Variants in FBN2 observed in about 807,000 individuals in gnomAD.
The protein encoded by FBN2 is fibrillin-2.
FBN2 carries 105 observed loss-of-function variants against 355.6 expected under a neutral mutation model. That is an observed-to-expected ratio of 0.30 (90% CI 0.25 to 0.35). The LOEUF (loss-of-function observed/expected upper bound fraction) is 0.35, where lower values mean the gene tolerates loss of function less well. Ranked by LOEUF, FBN2 falls within the 10% of genes least tolerant of loss-of-function variation. The probability of loss-of-function intolerance (pLI) is 1.00; values close to 1 mark genes in which losing one functional copy is unlikely to be tolerated. For missense variants in FBN2, 3,280 were observed against 3,758.7 expected (o/e 0.87, Z 3.33); for synonymous variants, 1,350 against 1,301.2 (o/e 1.04, Z -0.81).
chr5:128,499,981 C>T (rs1386973465), intron 5 of FBN2, among the ~76,000 whole-genome samples: 6 of 152,092 alleles, frequency 3.9e-5, no homozygotes, highest in South Asian at 2.1e-4. Flanking sequence ...GAAGATGAGG[C>T]ACCCACAGAA....
chr5:128,366,519 GGAA>G, intron 16 of FBN2, 89 bp from the exon 17 acceptor site: 4 of 718,324 alleles, frequency 5.6e-6, no homozygotes, highest in Non-Finnish European at 7.1e-6. Context: ...ACTACCATTA[GGAA>G]GAATTATTTG....
At chr5:128,395,384 C>G in intron 8 of FBN2, 110 bp from the exon 9 acceptor site, 1 of 1,129,142 alleles carries the variant, frequency 8.9e-7, no homozygotes, top group Non-Finnish European at 1.3e-6. Context: ...CACTTAATCT[C>G]TGTTATCTAT....
At chr5:128,310,400 ATATTT>A (rs1342223348) in intron 39 of FBN2, among the ~76,000 whole-genome samples, 79 of 13,232 alleles carry the variant, frequency 6.0e-3, no homozygotes, top group African/African-American at 0.012. Context: ...ATATATATAT[ATATTT>A]TTTTTTTTTT....
At chr5:128,469,024 T>C (rs1754785975) in intron 5 of FBN2, among the ~76,000 whole-genome samples, 1 of 152,140 alleles carries the variant, frequency 6.6e-6, no homozygotes, top group Non-Finnish European at 1.5e-5. Flanking sequence ...AGTCTACAAC[T>C]GAGTTTACTG....
chr5:128,312,012 G>A, intron 37 of FBN2, 59 bp from the exon 38 acceptor site: 3 of 1,201,144 alleles, frequency 2.5e-6, no homozygotes, highest in Non-Finnish European at 3.7e-6. Flanking sequence ...CTGAGACAAT[G>A]AGCAAGCATT....
At chr5:128,346,564 G>T (rs1465101114) in intron 23 of FBN2, among the ~76,000 whole-genome samples, 7 of 152,162 alleles carry the variant, frequency 4.6e-5, no homozygotes, top group Admixed American at 4.6e-4. Context: ...AAAAGGTAAT[G>T]AGTTACATTT....
chr5:128,378,072 T>C (rs1278405713), intron 12 of FBN2, among the ~76,000 whole-genome samples, 195 bp from the exon 13 acceptor site: 2 of 125,830 alleles, frequency 1.6e-5, no homozygotes, highest in Non-Finnish European at 3.3e-5. Context: ...GTAGCTGAAG[T>C]GGGAAAGGAA....
At position 128,378,756 on chromosome 5, in the gene FBN2, A is replaced by G. The variant is rs554849536; in HGVS notation, c.1723+15T>C. On this transcript the variant is annotated intron_variant, in intron 12 of 64. Transcript: ENST00000262464. ...TTCATGGAACATTTTCATATGTGAAAGCAAACTGCCTTACCAATGCATGCT... is the reference window on the plus strand; with the variant it reads ...TTCATGGAACATTTTCATATGTGAAGGCAAACTGCCTTACCAATGCATGCT... 1 of 1,612,714 alleles carries G rather than the reference A, an allele frequency of 6.2e-7. No individual in the cohort carries two copies. Among genetic ancestry groups the G allele is most frequent in the East Asian group, 2.2e-5 (1 of 44,824 alleles).
chr5:128,447,453 CT>C (rs1309978747), intron 6 of FBN2, among the ~76,000 whole-genome samples: 1 of 152,148 alleles, frequency 6.6e-6, no homozygotes, highest in Admixed American at 6.5e-5. Flanking sequence ...CCCGGTCTCC[CT>C]TAGTGCTCCC....
At chr5:128,366,585 A>G (rs1751773400) in intron 16 of FBN2, among the ~76,000 whole-genome samples, 155 bp from the exon 17 acceptor site, 1 of 152,144 alleles carries the variant, frequency 6.6e-6, no homozygotes, top group South Asian at 2.1e-4. Flanking sequence ...AACAATTATT[A>G]TAAAATTCTG....
intron 15 of FBN2, among the ~76,000 whole-genome samples, chr5:128,370,800 A>G (rs1751913824): frequency 6.6e-6 from 1 of 152,112 alleles, no homozygotes; most frequent in African/African-American, 2.4e-5. Flanking sequence ...GACATGTTAT[A>G]TGGTAGTTTG....
intron 9 of FBN2, among the ~76,000 whole-genome samples, chr5:128,393,587 C>G (rs1344819247): frequency 2.0e-5 from 3 of 152,208 alleles, no homozygotes; most frequent in Non-Finnish European, 4.4e-5. Context: ...ATTATTTTAA[C>G]TGAGTTGCAT....
At chr5:128,387,266 GGT>G (rs748279460) in intron 11 of FBN2, among the ~76,000 whole-genome samples, 2 of 151,874 alleles carry the variant, frequency 1.3e-5, no homozygotes, top group African/African-American at 2.4e-5. Context: ...TGTGCATAGA[GGT>G]GTCTCAGGAT....
intron 62 of FBN2, among the ~76,000 whole-genome samples, chr5:128,271,653 C>T (rs1765269993): frequency 1.3e-5 from 2 of 152,098 alleles, no homozygotes; most frequent in South Asian, 4.1e-4. Flanking sequence ...GATGGGAAAT[C>T]TAAATATATT....
Position 128,514,821 on chromosome 5 carries a change from T to A in FBN2, c.628+4452A>T, listed in dbSNP as rs141900564. The stretch of plus-strand genomic sequence containing the variant: ...TCATCTTGTTTTATTTCTAAATTAC[T>A]TTATAATAAACATGCATGACATTTT... On this transcript the variant is annotated intron_variant, in intron 5 of 64. Transcript: ENST00000262464. Among the ~76,000 whole-genome samples, 997 of 152,330 alleles carry A rather than the reference T, an allele frequency of 6.5e-3. 6 individuals are homozygous for A. The highest frequency in any genetic ancestry group is 0.024 in the Middle Eastern group (7 of 294).
Position 128,530,337 on chromosome 5 carries a change from GTC to G in FBN2, c.436+256_436+257del, listed in dbSNP as rs1756669435. ...ATGTTAAGCAAAGGCAACAAATACA[GTC>G]TAGTGTTTGAGACTATACACTTAGG... is the stretch of plus-strand genomic sequence containing the variant. On this transcript the variant is annotated intron_variant, in intron 3 of 64. Transcript: ENST00000262464. 2.6e-5 allele frequency among the ~76,000 whole-genome samples: 4 copies of G among 152,190 alleles called. No homozygotes were observed. The South Asian group carries it at 8.3e-4, about 31-fold the overall frequency.
chr5:128,351,135 C>T, intron 20 of FBN2, 130 bp from the exon 21 acceptor site: 1 of 1,113,632 alleles, frequency 9.0e-7, no homozygotes, highest in Non-Finnish European at 1.3e-6. Flanking sequence ...GTAATCCCAG[C>T]ACTTTGGGAG....
chr5:128,307,398 T>C (rs1164771226), intron 41 of FBN2, among the ~76,000 whole-genome samples, 195 bp from the exon 42 acceptor site: 4 of 152,154 alleles, frequency 2.6e-5, no homozygotes, highest in African/African-American at 7.2e-5. Flanking sequence ...TTATTATCAT[T>C]GTTATTTCTA....
intron 8 of FBN2, among the ~76,000 whole-genome samples, chr5:128,396,251 C>T (rs1425494666): frequency 6.6e-6 from 1 of 152,102 alleles, no homozygotes; most frequent in Non-Finnish European, 1.5e-5. Context: ...TTAGAGAACA[C>T]AAGACAAGGC....
Sources: allele counts gnomAD v4.1 joint callset (sites outside exome capture counted in the v4.1 genomes callset), GRCh38; gene constraint gnomAD v4.1.1; transcripts MANE v1.5; gene names NCBI Gene and HGNC (gene_info 2026-07-23, HGNC 2026-07-21).